Variants in BIRC7 observed in about 807,000 individuals in gnomAD.
BIRC7 encodes baculoviral IAP repeat containing 7, also known as baculoviral IAP repeat-containing protein 7.
Under a neutral mutation model 33.2 loss-of-function variants are expected in BIRC7, and 26 were observed. The observed-to-expected ratio is 0.78, with a 90% CI of 0.57 to 1.09. The LOEUF (loss-of-function observed/expected upper bound fraction) is 1.09, where lower values mean the gene tolerates loss of function less well. Ranked by LOEUF, BIRC7 falls within the 50% of genes least tolerant of loss-of-function variation. The probability of loss-of-function intolerance (pLI) is 0.00; values close to 1 mark genes in which losing one functional copy is unlikely to be tolerated. For missense variants in BIRC7, 409 were observed against 401.2 expected (o/e 1.02, Z -0.17); for synonymous variants, 176 against 171.0 (o/e 1.03, Z -0.23).
At chr20:63,238,051 G>A (rs2066702801) in intron 2 of BIRC7, 49 bp downstream of exon 2, 1 of 1,474,360 alleles carries the variant, frequency 6.8e-7, no homozygotes, top group Admixed American at 2.3e-5. Flanking sequence ...GGTAGGGGGT[G>A]GGCCCCCAAC....
At chr20:63,237,784 T>G in intron 1 of BIRC7, 119 bp from the exon 2 acceptor site, 3 of 528,078 alleles carry the variant, frequency 5.7e-6, no homozygotes, top group Non-Finnish European at 9.5e-6. Flanking sequence ...CACCCCCTCC[T>G]CCTTCTTGCC....
In BIRC7 at chr20:63,236,307, G is replaced by T. The variant is rs201104335; in HGVS notation, c.211G>T (p.Ala71Ser). 1.9e-6 allele frequency: 3 copies of T among 1,610,608 alleles called. No homozygotes were observed. In the South Asian group the frequency reaches 3.3e-5, roughly 18 times the overall value. ...GACAGAGGAGGAAGAGGAGGAGGGC[G>T]CCGGGGCCACCTTGTCCAGGGGGCC... ...PLTEEEEEEG[A>S]GATLSRGPAF... Residue 71 changes from alanine to serine, a missense_variant, in exon 1 of 7, where the codon GCC (alanine) becomes TCC (serine). Ala to Ser is a moderately conservative substitution (Grantham distance 99). Transcript: ENST00000217169.
chr20:63,236,178 G>A lies in BIRC7; in HGVS notation c.82G>A (p.Glu28Lys), dbSNP rs771665981. ...HWAAGDGPTQ[E>K]RCGPRSLGSP... ...GGCAGCCGGTGATGGTCCCACGCAGGAGCGCTGTGGACCCCGCTCTCTGGG... is the reference window on the plus strand; with the variant it reads ...GGCAGCCGGTGATGGTCCCACGCAGAAGCGCTGTGGACCCCGCTCTCTGGG... The change falls in exon 1 of 7, where the codon GAG (glutamate) becomes AAG (lysine). Residue 28 changes from glutamate (E) to lysine (K), a missense_variant. Physicochemically the swap from Glu to Lys is moderately conservative, Grantham distance 56. Transcript: ENST00000217169. 7.5e-6 allele frequency: 12 copies of A among 1,590,178 alleles called. No individual in the cohort carries two copies. The highest frequency in any genetic ancestry group is 2.7e-5 in the African/African-American group (2 of 74,444).
rs768121481 is a variant in BIRC7 at position 63,238,416 on chromosome 20, C to G, written c.470C>G (p.Ser157Ter). The G allele has an allele frequency of 1.2e-6, 2 of 1,612,026 alleles. No individual in the cohort carries two copies. The highest frequency in any genetic ancestry group is 2.7e-5 in the African/African-American group (2 of 74,940). Residue 157 changes from serine to a stop codon, truncating the protein, a stop_gained, in exon 3 of 7, where the codon TCA becomes TGA. Coordinates refer to ENST00000217169, the MANE Select transcript of BIRC7 (RefSeq NM_139317.3). LOFTEE classifies it high-confidence loss of function. ...TGCAGCTGTCAGTTCCTGCTCCGGT[C>G]AAAAGGAAGAGACTTTGTCCACAGT... is the stretch of plus-strand genomic sequence containing the variant. ...WFPSCQFLLR[S>*]KGRDFVHSVQ...
chr20:63,238,030 G>T (rs776228024), intron 2 of BIRC7, 28 bp downstream of exon 2: 7 of 1,552,094 alleles, frequency 4.5e-6, no homozygotes, highest in Non-Finnish European at 6.1e-6. Flanking sequence ...GGGGCCCCGG[G>T]TCTGATCATG....
At chr20:63,237,185 T>C (rs536138041) in intron 1 of BIRC7, among the ~76,000 whole-genome samples, 4 of 152,122 alleles carry the variant, frequency 2.6e-5, no homozygotes, top group African/African-American at 7.2e-5. Context: ...AGACAGCTGG[T>C]CGGGGGGACA....
At chr20:63,236,571 A>C in intron 1 of BIRC7, 126 bp downstream of exon 1, 6 of 1,342,440 alleles carry the variant, frequency 4.5e-6, no homozygotes, top group Non-Finnish European at 5.8e-6. Flanking sequence ...CTGATGACGG[A>C]GCAGTGGTCC....
At position 63,237,894 on chromosome 20, in the gene BIRC7, G is replaced by A. The variant is rs368773411; in HGVS notation, c.350-9G>A. The A allele has an allele frequency of 1.8e-5, 28 of 1,588,386 alleles. No homozygotes were observed. The highest frequency in any genetic ancestry group is 9.2e-5 in the East Asian group (4 of 43,248). On this transcript the variant is annotated splice_polypyrimidine_tract_variant and intron_variant, in intron 1 of 6. Transcript: ENST00000217169. ...ACTTGGCTGGGGCCAGCATCTCTCC[G>A]CACCCCAGGCCATCAGGACAAGGTG...
Position 63,236,053 on chromosome 20 carries a change from C to T in BIRC7, c.-44C>T, listed in dbSNP as rs574184845. On this transcript the variant is annotated 5_prime_UTR_variant, in exon 1 of 7. Transcript: ENST00000217169. ...GGCATATTCTGAGATTGGCCATCAGCCCCCATTTCTGCTGCAAACCTGGTC... is the reference window on the plus strand; with the variant it reads ...GGCATATTCTGAGATTGGCCATCAGTCCCCATTTCTGCTGCAAACCTGGTC... 24 of 1,475,934 alleles carry T rather than the reference C, an allele frequency of 1.6e-5. No homozygotes were observed. The East Asian group carries it at 5.3e-4, about 32-fold the overall frequency. The allele number at this position is 1,475,934 out of a possible 1,614,324, so 91.4% of individuals were successfully genotyped here.
Position 63,239,611 on chromosome 20 carries a change from G to A in BIRC7, c.*5+1G>A. On this transcript the variant is annotated splice_donor_variant, in intron 6 of 6. Coordinates refer to ENST00000217169, the MANE Select transcript of BIRC7 (RefSeq NM_139317.3). LOFTEE classifies it low-confidence loss of function (3UTR_SPLICE). ...TGCGCACCTTCCTGTCCTAGGCCAG[G>A]TGAGCGCCCCAGCACCACGCGCAGC... The A allele has an allele frequency of 1.9e-6, 3 of 1,591,808 alleles. No homozygotes were observed. Among genetic ancestry groups the A allele is most frequent in the Non-Finnish European group, 2.6e-6 (3 of 1,176,140 alleles).
At chr20:63,239,905 A>G (rs1420915003) in intron 6 of BIRC7, among the ~76,000 whole-genome samples, 1 of 152,220 alleles carries the variant, frequency 6.6e-6, no homozygotes, top group Non-Finnish European at 1.5e-5. Flanking sequence ...GTGGTCAAGG[A>G]AAGCCGGCTT....
chr20:63,239,505 C>T lies in BIRC7; in HGVS notation c.797C>T (p.Pro266Leu), dbSNP rs371081533. 3.7e-6 allele frequency: 6 copies of T among 1,606,170 alleles called. No homozygotes were observed. The highest frequency in any genetic ancestry group is 4.5e-5 in the East Asian group (2 of 44,870). The change falls in exon 6 of 7, where the codon CCG becomes CTG. Residue 266 changes from proline (P) to leucine (L), a missense_variant. Coordinates refer to ENST00000217169, the MANE Select transcript of BIRC7 (RefSeq NM_139317.3). ...CGCGCCGTGTCCATCGTCTTTGTGC[C>T]GTGCGGCCACCTGGTCTGTGCTGAG... is the stretch of plus-strand genomic sequence containing the variant. ...LDRAVSIVFVPCGHLVCAECA... is the reference protein window; with the variant it reads ...LDRAVSIVFVLCGHLVCAECA...
At chr20:63,236,523 C>T (rs1039587972) in intron 1 of BIRC7, 78 bp downstream of exon 1, 1 of 1,458,900 alleles carries the variant, frequency 6.9e-7, no homozygotes, top group Non-Finnish European at 9.0e-7. Context: ...GGCTCTGCCT[C>T]CTCCGTAGCA....
At chr20:63,238,056 C>T (rs2066702870) in intron 2 of BIRC7, 54 bp downstream of exon 2, 13 of 1,446,774 alleles carry the variant, frequency 9.0e-6, no homozygotes, top group Non-Finnish European at 1.2e-5. Flanking sequence ...GGGGTGGGCC[C>T]CCAACGGCTC....
Position 63,239,426 on chromosome 20 carries a change from G to T in BIRC7, c.718G>T (p.Glu240Ter). 2 of 1,606,480 alleles carry T rather than the reference G, an allele frequency of 1.2e-6. No individual in the cohort carries two copies. Among genetic ancestry groups the T allele is most frequent in the Non-Finnish European group, 8.5e-7 (1 of 1,179,892 alleles). ...VLEPPGARDV[E>*]AQLRRLQEER... ...TGAGCCCCCAGGAGCCAGGGATGTG[G>T]AGGCGCAGCTGCGGCGGCTGCAGGA... The change falls in exon 6 of 7, where the codon GAG becomes TAG. Residue 240 changes from glutamate to a stop codon, truncating the protein, a stop_gained. Coordinates refer to ENST00000217169, the MANE Select transcript of BIRC7 (RefSeq NM_139317.3). LOFTEE classifies it high-confidence loss of function.
At chr20:63,239,080 C>T (rs1468448706) in intron 4 of BIRC7, 82 bp from the exon 5 acceptor site, 64 of 1,427,826 alleles carry the variant, frequency 4.5e-5, no homozygotes, top group Non-Finnish European at 6.2e-5. Context: ...GAACTGGACC[C>T]CACAGGCTGC....
In BIRC7 at chr20:63,239,266, GGGCAGGGGAGGGCTGA is replaced by G. The variant is rs776898586; in HGVS notation, c.649+36_649+51del. Reference sequence around the variant, plus strand: ...CCCGGGACCCCCTGGGTGAGGGCTGGGGCAGGGGAGGGCTGAGGGACCCCGACCTTCCATGGCCCAT... The same window carrying G: ...CCCGGGACCCCCTGGGTGAGGGCTGGGGGACCCCGACCTTCCATGGCCCAT... On this transcript the variant is annotated intron_variant, in intron 5 of 6. Transcript: ENST00000217169. 1.3e-5 allele frequency: 21 copies of G among 1,610,034 alleles called. 1 individual carries two copies. In the East Asian group the frequency reaches 4.5e-4, roughly 34 times the overall value.
intron 4 of BIRC7, 126 bp from the exon 5 acceptor site, chr20:63,239,036 C>T (rs575675367): frequency 6.8e-5 from 64 of 945,576 alleles, no homozygotes; most frequent in East Asian, 3.3e-4. Flanking sequence ...GTGTCGGGAG[C>T]GGGGATACTC....
rs772762575 is a variant in BIRC7, at chr20:63,238,738, C to T, written c.577+124C>T. 71 of 1,363,694 alleles carry T rather than the reference C, an allele frequency of 5.2e-5. 1 individual carries two copies. The highest frequency in any genetic ancestry group is 1.9e-4 in the South Asian group (15 of 78,704). The allele number at this position is 1,363,694 out of a possible 1,614,324, so 84.5% of individuals were successfully genotyped here. The stretch of plus-strand genomic sequence containing the variant: ...GTGACGGGCACGTGACAGGGTGTGA[C>T]GCTGCTGCCTGGGTTGGCTTCAGGG... On this transcript the variant is annotated intron_variant, in intron 4 of 6. Coordinates refer to ENST00000217169, the MANE Select transcript of BIRC7 (RefSeq NM_139317.3).
Sources: allele counts gnomAD v4.1 joint callset (sites outside exome capture counted in the v4.1 genomes callset), GRCh38; gene constraint gnomAD v4.1.1; transcripts MANE v1.5; gene names NCBI Gene and HGNC (gene_info 2026-07-23, HGNC 2026-07-21).